Variants in SMAP2 observed in about 807,000 individuals in gnomAD.
The protein encoded by SMAP2 is stromal membrane-associated protein 2.
In SMAP2, 25 loss-of-function variants were observed where a neutral mutation model predicts 56.4. The ratio of observed to expected loss-of-function variants is 0.44; its 90% CI spans 0.32 to 0.62. The LOEUF (loss-of-function observed/expected upper bound fraction) is 0.62. Ranked by LOEUF, SMAP2 falls within the 20% of genes least tolerant of loss-of-function variation. The pLI is 0.04. For synonymous variants in SMAP2, 157 were observed against 181.7 expected (o/e 0.86, Z 1.09); for missense variants, 388 against 545.6 (o/e 0.71, Z 2.88).
intron 1 of SMAP2, among the ~76,000 whole-genome samples, chr1:40,353,105 G>A (rs1644417256): frequency 6.6e-6 from 1 of 152,158 alleles, no homozygotes; most frequent in Admixed American, 6.5e-5. Context: ...GGGCTTTCCT[G>A]GTGTCCTTTG....
Position 40,345,883 on chromosome 1 carries a change from G to GTATTATATTA in SMAP2, c.-83+977_-83+978insATATTATATT, listed in dbSNP as rs1329394751. On this transcript the variant is annotated intron_variant, in intron 1 of 6. Coordinates refer to the SMAP2 transcript ENST00000435168. The stretch of plus-strand genomic sequence containing the variant: ...ATATTATATTATATTGTATTATATT[G>GTATTATATTA]TATTGTATTATATTATATTATATTA... Among the ~76,000 whole-genome samples the GTATTATATTA allele has an allele frequency of 1.1e-3, 64 of 58,638 alleles. No homozygotes were observed. The East Asian group carries it at 0.02, about 18-fold the overall frequency. 38.5% of individuals were successfully genotyped at this position (58,638 alleles called of 152,430 possible).
chr1:40,379,684 C>A (rs1017282634), intron 1 of SMAP2, among the ~76,000 whole-genome samples: 2 of 150,584 alleles, frequency 1.3e-5, no homozygotes, highest in Non-Finnish European at 2.9e-5. Flanking sequence ...GCAGGGATTA[C>A]AGGCACCTGA....
At chr1:40,406,967 G>A in intron 2 of SMAP2, 98 bp downstream of exon 2, 4 of 1,342,166 alleles carry the variant, frequency 3.0e-6, no homozygotes, top group Non-Finnish European at 2.0e-6. Flanking sequence ...TGAAGATAAA[G>A]GAAAATTTAG....
At position 40,378,751 on chromosome 1, in the gene SMAP2, C is replaced by T. The variant is rs1644565851; in HGVS notation, c.103+4528C>T. Among the ~76,000 whole-genome samples the T allele has an allele frequency of 1.3e-5, 2 of 152,204 alleles. 1 individual carries two copies. Among genetic ancestry groups the T allele is most frequent in the African/African-American group, 4.8e-5 (2 of 41,450 alleles). ...TCCCTTCTTCTGCTACATCCTATCT[C>T]TGAAATGTTTCACCCCACCCAACCA... On this transcript the variant is annotated intron_variant, in intron 1 of 9. Transcript: ENST00000372718.
chr1:40,357,825 A>C (rs367596965), intron 1 of SMAP2, among the ~76,000 whole-genome samples: 1 of 152,120 alleles, frequency 6.6e-6, no homozygotes, highest in Admixed American at 6.6e-5. Flanking sequence ...TTTGGTTACT[A>C]TAGCTTTGTA....
At chr1:40,402,349 T>A (rs1266479106) in intron 1 of SMAP2, among the ~76,000 whole-genome samples, 2 of 152,256 alleles carry the variant, frequency 1.3e-5, no homozygotes, top group Non-Finnish European at 2.9e-5. Flanking sequence ...ATTTGAATTA[T>A]TCTCTTCTAC....
chr1:40,389,764 G>A lies in SMAP2; in HGVS notation c.103+15541G>A, dbSNP rs561447983. Among the ~76,000 whole-genome samples the A allele has an allele frequency of 2.0e-5, 3 of 152,268 alleles. No homozygotes were observed. The South Asian group carries it at 6.2e-4, about 32-fold the overall frequency. On this transcript the variant is annotated intron_variant, in intron 1 of 9. Transcript: ENST00000372718. ...AGTCCTTTAGCCCTTTTGTGGGATGGGAGTAAATATTTAGACGTGGTTCTC... is the reference window on the plus strand; with the variant it reads ...AGTCCTTTAGCCCTTTTGTGGGATGAGAGTAAATATTTAGACGTGGTTCTC...
At chr1:40,419,280 C>CT (rs35237067) in intron 9 of SMAP2, among the ~76,000 whole-genome samples, 130 of 121,828 alleles carry the variant, frequency 1.1e-3, no homozygotes, top group South Asian at 2.2e-3. Flanking sequence ...TTCTTCCTTT[C>CT]TTTTTTTTTT....
intron 1 of SMAP2, among the ~76,000 whole-genome samples, chr1:40,359,105 TTTTG>T (rs958556362): frequency 6.6e-6 from 1 of 152,218 alleles, no homozygotes; most frequent in African/African-American, 2.4e-5. Flanking sequence ...GTGTATCTTT[TTTTG>T]TTTGTTTGTT....
chr1:40,357,244 C>T (rs1485489400), intron 1 of SMAP2, among the ~76,000 whole-genome samples: 3 of 151,928 alleles, frequency 2.0e-5, no homozygotes, highest in Non-Finnish European at 4.4e-5. Context: ...CACCTGAGGT[C>T]AGGAGTTCGA....
chr1:40,355,288 A>G (rs1644430446), intron 1 of SMAP2, among the ~76,000 whole-genome samples: 1 of 152,120 alleles, frequency 6.6e-6, no homozygotes, highest in Admixed American at 6.6e-5. Context: ...TTTCAAGGAT[A>G]ATGATGAGTA....
intron 1 of SMAP2, among the ~76,000 whole-genome samples, chr1:40,401,179 C>T (rs2935892): frequency 0.54 from 81,574 of 151,942 alleles, 23,023 homozygotes; most frequent in African/African-American, 0.7. Context: ...AGGAGAATGG[C>T]GTGAACTCGG....
At chr1:40,354,738 C>G (rs1319710874) in intron 1 of SMAP2, among the ~76,000 whole-genome samples, 1 of 141,208 alleles carries the variant, frequency 7.1e-6, no homozygotes, top group African/African-American at 2.7e-5. Flanking sequence ...TCTGGCATAT[C>G]AGAGCAGTGA....
chr1:40,400,724 C>A (rs1478124121), intron 1 of SMAP2, among the ~76,000 whole-genome samples: 2 of 152,140 alleles, frequency 1.3e-5, no homozygotes, highest in East Asian at 3.9e-4. Flanking sequence ...AAAATGTGCA[C>A]CAATTTACAT....
intron 6 of SMAP2, among the ~76,000 whole-genome samples, chr1:40,414,991 A>G (rs552347422): frequency 6.6e-6 from 1 of 152,318 alleles, no homozygotes; most frequent in East Asian, 1.9e-4. Context: ...TCAAATAGCC[A>G]GAAGGGAGCC....
In SMAP2 at chr1:40,386,888, G is replaced by A. The variant is rs1001565256; in HGVS notation, c.103+12665G>A. ...TTTTTTTTTGGAGACAAGGTCTCTC[G>A]CTCCGTCGCCCAAGCTGGAGTACAG... On this transcript the variant is annotated intron_variant, in intron 1 of 9. Transcript: ENST00000372718. This position sits in a 1 kb window ranked among gnomAD's most constrained non-coding sequence, Gnocchi z 4.1. Among the ~76,000 whole-genome samples, 5 of 133,496 alleles carry A rather than the reference G, an allele frequency of 3.7e-5. No homozygotes were observed. Among genetic ancestry groups the A allele is most frequent in the Non-Finnish European group, 6.1e-5 (4 of 65,476 alleles). 87.6% of individuals were successfully genotyped at this position (133,496 alleles called of 152,430 possible).
At chr1:40,378,221 C>A (rs1263324607) in intron 1 of SMAP2, among the ~76,000 whole-genome samples, 1 of 152,186 alleles carries the variant, frequency 6.6e-6, no homozygotes, top group Non-Finnish European at 1.5e-5. Flanking sequence ...GACTCCTGGG[C>A]TCAAGCTGTC....
At chr1:40,370,872 A>G (rs1569830072), upstream of SMAP2, among the ~76,000 whole-genome samples, 2 of 148,700 alleles carry the variant, frequency 1.3e-5, no homozygotes, top group Admixed American at 1.3e-4. Flanking sequence ...AAAAAAAAAA[A>G]GAAAAGAAAA....
intron 1 of SMAP2, among the ~76,000 whole-genome samples, chr1:40,348,730 C>A (rs1024904363): frequency 2.6e-5 from 4 of 151,998 alleles, no homozygotes; most frequent in Non-Finnish European, 4.4e-5. Flanking sequence ...CACTAGAAAT[C>A]AAAGAAATAC....
Sources: gnomAD v4.1 joint callset for allele counts (sites outside exome capture counted in the v4.1 genomes callset) on GRCh38, gnomAD v4.1.1 for gene constraint, Gnocchi (gnomAD v3.1) non-coding constraint, MANE v1.5 for transcripts, NCBI Gene and HGNC (gene_info 2026-07-23, HGNC 2026-07-21) for gene names.